CACFD1: variants seen among roughly 807,000 people sequenced by gnomAD.
CACFD1 encodes calcium channel flower homolog.
A neutral mutation model predicts 21.3 loss-of-function variants in CACFD1; 26 were observed. The ratio of observed to expected loss-of-function variants is 1.22; its 90% CI spans 0.89 to 1.69. The LOEUF (loss-of-function observed/expected upper bound fraction) is 1.69. CACFD1 is among the 40% of genes most tolerant of loss of function. CACFD1 has a pLI of 0.00. For synonymous variants in CACFD1, 121 were observed against 106.6 expected (o/e 1.13, Z -0.83); for missense variants, 265 against 236.2 (o/e 1.12, Z -0.80).
chr9:133,466,854 G>A (rs1328698398), intron 3 of CACFD1, among the ~76,000 whole-genome samples: 1 of 151,974 alleles, frequency 6.6e-6, no homozygotes, highest in Non-Finnish European at 1.5e-5. Context: ...AAATTTTCGA[G>A]TTTACTTTTT....
rs1448723345 is a variant in CACFD1, at chr9:133,469,583, C to T, written c.*930C>T. ...TGGGCAGAGGCCACAGTCACCTCCCCACACAGAGCTGTCCCCACTGCCCTG... is the reference window on the plus strand; with the variant it reads ...TGGGCAGAGGCCACAGTCACCTCCCTACACAGAGCTGTCCCCACTGCCCTG... On this transcript the variant is annotated 3_prime_UTR_variant, in exon 5 of 5. Transcript: ENST00000316948. 2 of 152,446 alleles carry T rather than the reference C, an allele frequency of 1.3e-5. No individual in the cohort carries two copies. The highest frequency in any genetic ancestry group is 2.9e-5 in the Non-Finnish European group (2 of 68,182). The allele number at this position is 152,446 out of a possible 1,614,324, so 9.4% of individuals were successfully genotyped here.
chr9:133,468,291 C>T (rs1272040398), intron 4 of CACFD1: 4 of 1,503,244 alleles, frequency 2.7e-6, no homozygotes, highest in African/African-American at 2.8e-5. Flanking sequence ...CCTTCCCCTC[C>T]CAGGTCTGCA....
rs898786936 is a variant in CACFD1, at chr9:133,468,893, G to C, written c.*240G>C. The C allele has an allele frequency of 1.6e-4, 93 of 595,210 alleles. No homozygotes were observed. The highest frequency in any genetic ancestry group is 4.6e-4 in the Middle Eastern group (1 of 2,192). 36.9% of individuals were successfully genotyped at this position (595,210 alleles called of 1,614,324 possible). Reference sequence around the variant, plus strand: ...GCAGCAGCTGTGTGGACACTACCCAGCCCTACTCCTCTGCTGGGTGGGTCT... The same window carrying C: ...GCAGCAGCTGTGTGGACACTACCCACCCCTACTCCTCTGCTGGGTGGGTCT... On this transcript the variant is annotated 3_prime_UTR_variant, in exon 5 of 5. Transcript: ENST00000316948.
rs1025858642 is a variant in CACFD1, at chr9:133,463,404, C to T, written c.122-79C>T. 32 of 1,607,634 alleles carry T rather than the reference C, an allele frequency of 2.0e-5. No homozygotes were observed. In the East Asian group the frequency reaches 3.8e-4, roughly 19 times the overall value. On this transcript the variant is annotated intron_variant, in intron 1 of 4. Coordinates refer to ENST00000316948, the MANE Select transcript of CACFD1 (RefSeq NM_017586.5). ...CATCCGCAGAGACTCTCGTCCTTTC[C>T]AGTCATCTCCCAAGGCCGCCTTCCC... is the stretch of plus-strand genomic sequence containing the variant.
Position 133,469,390 on chromosome 9 carries a change from GCT to G in CACFD1, c.*741_*742del, listed in dbSNP as rs1473479561. 1.3e-5 allele frequency: 2 copies of G among 152,332 alleles called. No homozygotes were observed. Among genetic ancestry groups the G allele is most frequent in the Non-Finnish European group, 2.9e-5 (2 of 68,182 alleles). 9.4% of individuals were successfully genotyped at this position (152,332 alleles called of 1,614,324 possible). A position where few individuals can be genotyped will look rare whatever the true frequency, so the allele number is the denominator to read the frequency against. ...GGTGCTAAGGAAGTGGGGAGAGCAG[GCT>G]CTCCCTGGCACCGAGGGTGCCCACC... On this transcript the variant is annotated 3_prime_UTR_variant, in exon 5 of 5. Transcript: ENST00000316948.
rs140944089 is a variant in CACFD1 at position 133,465,390 on chromosome 9, C to T, written c.263C>T (p.Thr88Ile). 1.2e-6 allele frequency: 2 copies of T among 1,614,012 alleles called. No homozygotes were observed. Among genetic ancestry groups the T allele is most frequent in the Non-Finnish European group, 1.7e-6 (2 of 1,179,922 alleles). The change falls in exon 3 of 5, where the codon ACA becomes ATA. Residue 88 changes from threonine (T) to isoleucine (I), a missense_variant. By Grantham distance (89) the Thr-to-Ile change is moderately conservative. Transcript: ENST00000316948. This position sits in a 1 kb window ranked among gnomAD's most constrained non-coding sequence, Gnocchi z 5.0. ...TGCCAGTTCATCGAGTTTGCAAACA[C>T]AGTGGCGGAGAAGGTGGACCGGCTG... ...FCCQFIEFAN[T>I]VAEKVDRLRS... is the part of the protein sequence containing the mutation.
chr9:133,461,192 A>T (rs1000932541), intron 1 of CACFD1, among the ~76,000 whole-genome samples: 1 of 152,202 alleles, frequency 6.6e-6, no homozygotes, highest in African/African-American at 2.4e-5. Flanking sequence ...CCCCATCAGC[A>T]ATCCTGCCAG....
At position 133,468,030 on chromosome 9, in the gene CACFD1, T is replaced by C; in HGVS notation, c.428+2T>C. ...CGGACTCTCTGCTCTGGGCAAAAAG[T>C]GCGTCTGCCAGGCCCAGCCCCTGGG... On this transcript the variant is annotated splice_donor_variant, in intron 4 of 4. Transcript: ENST00000316948. LOFTEE classifies it high-confidence loss of function. The C allele has an allele frequency of 5.0e-6, 8 of 1,612,018 alleles. No homozygotes were observed. The highest frequency in any genetic ancestry group is 2.2e-5 in the East Asian group (1 of 44,870).
rs781878069 is a variant in CACFD1, at chr9:133,465,291, C to T, written c.195-31C>T. On this transcript the variant is annotated intron_variant, in intron 2 of 4. Transcript: ENST00000316948. The surrounding 1 kb of genome is among the most constrained non-coding windows in gnomAD (Gnocchi z 5.0). ...CCCTCATCCTCCTGGGATTGTCAGTCGCTGCTCTTCTCCTGCCCTGGTCCC... is the reference window on the plus strand; with the variant it reads ...CCCTCATCCTCCTGGGATTGTCAGTTGCTGCTCTTCTCCTGCCCTGGTCCC... 88 of 1,612,604 alleles carry T rather than the reference C, an allele frequency of 5.5e-5. No homozygotes were observed. Among genetic ancestry groups the T allele is most frequent in the Admixed American group, 1.0e-4 (6 of 60,008 alleles).
intron 2 of CACFD1, among the ~76,000 whole-genome samples, chr9:133,464,017 T>C (rs1400716656): frequency 6.6e-6 from 1 of 152,106 alleles, no homozygotes; most frequent in Non-Finnish European, 1.5e-5. Flanking sequence ...GTGCCAAAGA[T>C]AGATGGGAGA....
Position 133,468,042 on chromosome 9 carries a change from G to C in CACFD1, c.428+14G>C, listed in dbSNP as rs199542716. On this transcript the variant is annotated intron_variant, in intron 4 of 4. Transcript: ENST00000316948. ...TCTGGGCAAAAAGTGCGTCTGCCAG[G>C]CCCAGCCCCTGGGCAGGGCCTTCCT... 6.2e-7 allele frequency: 1 copy of C among 1,605,734 alleles called. No individual in the cohort carries two copies. The highest frequency in any genetic ancestry group is 2.2e-5 in the East Asian group (1 of 44,814).
At chr9:133,462,348 T>A in intron 1 of CACFD1, 2 of 1,236,992 alleles carry the variant, frequency 1.6e-6, no homozygotes, top group Non-Finnish European at 2.1e-6. Flanking sequence ...TCTAAGGCTG[T>A]GCTGAGGAGC....
intron 1 of CACFD1, among the ~76,000 whole-genome samples, chr9:133,461,109 T>C (rs1003237878): frequency 6.6e-6 from 1 of 152,214 alleles, no homozygotes; most frequent in Non-Finnish European, 1.5e-5. Flanking sequence ...AGAATGTCTG[T>C]CGAGGATGTC....
rs924724706 is a variant in CACFD1, at chr9:133,459,984, C to T, written c.-83C>T. 428 of 1,436,864 alleles carry T rather than the reference C, an allele frequency of 3.0e-4. 1 individual carries two copies. The highest frequency in any genetic ancestry group is 3.7e-4 in the Non-Finnish European group (403 of 1,094,722). The allele number at this position is 1,436,864 out of a possible 1,614,324, so 89.0% of individuals were successfully genotyped here. A position where few individuals can be genotyped will look rare whatever the true frequency, so the allele number is the denominator to read the frequency against. On this transcript the variant is annotated 5_prime_UTR_variant, in exon 1 of 5. Coordinates refer to ENST00000316948, the MANE Select transcript of CACFD1 (RefSeq NM_017586.5). ...CCCCCTATGCTAATATGCTCCCTCT[C>T]CCACAAGGCAGCGCGCCGGCTCGGA...
At chr9:133,463,666 T>A in intron 2 of CACFD1, 111 bp downstream of exon 2, 6 of 1,106,630 alleles carry the variant, frequency 5.4e-6, no homozygotes, top group Non-Finnish European at 8.1e-6. Context: ...ATCCTTGTGG[T>A]TGCCATGGCT....
At position 133,462,122 on chromosome 9, in the gene CACFD1, G is replaced by T. The variant is rs1386697234; in HGVS notation, c.122-1361G>T. ...GCCTGCTGGTCTGGCTTGACACCTG[G>T]TCCTCCCCCAAGGCTGGCTGTGGGT... On this transcript the variant is annotated intron_variant, in intron 1 of 4. Coordinates refer to ENST00000316948, the MANE Select transcript of CACFD1 (RefSeq NM_017586.5). The T allele has an allele frequency of 3.8e-6, 5 of 1,303,738 alleles. No homozygotes were observed. The African/African-American group carries it at 4.5e-5, about 12-fold the overall frequency. 80.8% of individuals were successfully genotyped at this position (1,303,738 alleles called of 1,614,324 possible).
chr9:133,460,645 C>T (rs1160859593), intron 1 of CACFD1, among the ~76,000 whole-genome samples: 1 of 152,212 alleles, frequency 6.6e-6, no homozygotes, highest in Admixed American at 6.5e-5. Context: ...ACATTGCTAA[C>T]CTTTGGGCAA....
At chr9:133,467,865 A>G (rs1843500109) in intron 3 of CACFD1, 56 bp from the exon 4 acceptor site, 2 of 1,272,668 alleles carry the variant, frequency 1.6e-6, no homozygotes, top group South Asian at 2.4e-5. Context: ...GGAAGCGGGG[A>G]AGGATGTGGT....
chr9:133,463,594 T>G, intron 2 of CACFD1, 39 bp downstream of exon 2: 1 of 1,608,200 alleles, frequency 6.2e-7, no homozygotes, highest in African/African-American at 1.3e-5. Flanking sequence ...GGGGTCTTGC[T>G]GGTCGGGAAT....
Sources: gnomAD v4.1 joint callset for allele counts (sites outside exome capture counted in the v4.1 genomes callset) on GRCh38, gnomAD v4.1.1 for gene constraint, Gnocchi (gnomAD v3.1) non-coding constraint, MANE v1.5 for transcripts, NCBI Gene and HGNC (gene_info 2026-07-23, HGNC 2026-07-21) for gene names.